The following SLC2A9 variants were observed in gnomAD, a reference collection of about 807,000 sequenced individuals.
SLC2A9 encodes solute carrier family 2 member 9.
SLC2A9 carries 39 observed loss-of-function variants against 50.6 expected under a neutral mutation model. The observed-to-expected ratio is 0.77, with a 90% confidence interval of 0.60 to 1.01. SLC2A9 has a LOEUF of 1.01. Among genes scored for constraint, SLC2A9 ranks in the 50% least tolerant of loss-of-function variants. The probability of loss-of-function intolerance (pLI) is 0.00; values close to 1 mark genes in which losing one functional copy is unlikely to be tolerated. For synonymous variants in SLC2A9, 324 were observed against 276.9 expected (o/e 1.17, Z -1.69); for missense variants, 686 against 677.6 (o/e 1.01, Z -0.14).
At chr4:10,033,609 C>A (rs984613272) in intron 1 of SLC2A9, among the ~76,000 whole-genome samples, 2 of 152,202 alleles carry the variant, frequency 1.3e-5, no homozygotes, top group Admixed American at 1.3e-4. Context: ...GTGGCTGAAG[C>A]CTTGGTCCAT....
chr4:9,859,259 G>A (rs1023550181), intron 10 of SLC2A9, among the ~76,000 whole-genome samples: 3 of 146,758 alleles, frequency 2.0e-5, no homozygotes, highest in African/African-American at 7.7e-5. Context: ...CCTATTATAG[G>A]TGGGATTTGA....
chr4:9,968,605 T>C (rs1753415485), intron 5 of SLC2A9, among the ~76,000 whole-genome samples: 1 of 152,230 alleles, frequency 6.6e-6, no homozygotes, highest in African/African-American at 2.4e-5. Flanking sequence ...AAGAGCCATA[T>C]ATCCCCCTGC....
At chr4:9,961,372 T>C (rs1202161204) in intron 5 of SLC2A9, among the ~76,000 whole-genome samples, 1 of 152,048 alleles carries the variant, frequency 6.6e-6, no homozygotes, top group African/African-American at 2.4e-5. Flanking sequence ...TATAGACCAA[T>C]GAACAGAATA....
chr4:9,983,528 G>A (rs555735814), intron 4 of SLC2A9, among the ~76,000 whole-genome samples: 8 of 152,232 alleles, frequency 5.3e-5, no homozygotes, highest in Non-Finnish European at 8.8e-5. Context: ...CTGACAGCCC[G>A]TGAGACCAGG....
chr4:10,026,281 T>C (rs932923522), upstream of SLC2A9, among the ~76,000 whole-genome samples: 4 of 152,206 alleles, frequency 2.6e-5, no homozygotes, highest in African/African-American at 4.8e-5. Context: ...TCAATTTATC[T>C]CTCTGTGTTG....
intron 10 of SLC2A9, among the ~76,000 whole-genome samples, chr4:9,852,374 TCCCGAGTAG>T (rs1213129926): frequency 6.6e-6 from 1 of 151,456 alleles, no homozygotes; most frequent in Admixed American, 6.6e-5. Context: ...TGCCTCAGCC[TCCCGAGTAG>T]CTGGGACTAC....
chr4:9,886,522 CCCACCTTG>C (rs1215802280), intron 10 of SLC2A9, among the ~76,000 whole-genome samples: 1 of 151,750 alleles, frequency 6.6e-6, no homozygotes, highest in Non-Finnish European at 1.5e-5. Context: ...CATTCCATGG[CCCACCTTG>C]CCACCTTGCC....
chr4:9,942,012 C>A lies in SLC2A9; in HGVS notation c.715G>T (p.Val239Leu). The part of the protein sequence containing the change: ...STWPYLFGVI[V>L]VPAVVQLLSL... ...AGCAGCTGGACAACGGCAGGGACCACAATCACTCCAAACAGGTATGGCCAG... is the reference window on the plus strand; with the variant it reads ...AGCAGCTGGACAACGGCAGGGACCAAAATCACTCCAAACAGGTATGGCCAG... Residue 239 changes from valine (V) to leucine (L), a missense_variant, in exon 6 of 12, where the codon GTG (valine) becomes TTG (leucine). Transcript: ENST00000264784. 6.2e-7 allele frequency: 1 copy of A among 1,614,186 alleles called. No individual in the cohort carries two copies. The highest frequency in any genetic ancestry group is 1.7e-5 in the Admixed American group (1 of 60,028).
chr4:9,985,277 G>T (rs565247623), intron 4 of SLC2A9, among the ~76,000 whole-genome samples: 1 of 152,204 alleles, frequency 6.6e-6, no homozygotes, highest in South Asian at 2.1e-4. Flanking sequence ...CAAATGCCTG[G>T]CGAGTAAATG....
intron 5 of SLC2A9, among the ~76,000 whole-genome samples, chr4:9,943,271 G>A (rs558655181): frequency 4.7e-4 from 72 of 152,174 alleles, no homozygotes; most frequent in Admixed American, 8.5e-4. Flanking sequence ...CCAGCAGCTG[G>A]TCCAATCATC....
intron 3 of SLC2A9, among the ~76,000 whole-genome samples, chr4:9,991,920 G>A (rs541827471): frequency 6.6e-6 from 1 of 152,354 alleles, no homozygotes; most frequent in African/African-American, 2.4e-5. Context: ...GGCAGCCTGG[G>A]CTAACCAATG....
At chr4:10,003,522 G>T (rs1470732351) in intron 2 of SLC2A9, among the ~76,000 whole-genome samples, 1 of 152,148 alleles carries the variant, frequency 6.6e-6, no homozygotes, top group Non-Finnish European at 1.5e-5. Context: ...CATAGCCTAG[G>T]CCCCCTGCAG....
intron 11 of SLC2A9, among the ~76,000 whole-genome samples, chr4:9,830,769 G>T (rs1214385081): frequency 1.3e-5 from 2 of 152,160 alleles, no homozygotes; most frequent in Admixed American, 1.3e-4. Flanking sequence ...TTTTTCGCAG[G>T]CTTTATAACA....
At chr4:9,794,912 T>C (rs1160968241), downstream of SLC2A9, among the ~76,000 whole-genome samples, 1 of 151,708 alleles carries the variant, frequency 6.6e-6, no homozygotes, top group East Asian at 1.9e-4. Flanking sequence ...GGTCTGGGTT[T>C]GGGACCAACA....
chr4:9,897,763 G>A (rs1031380752), intron 8 of SLC2A9, among the ~76,000 whole-genome samples: 4 of 152,154 alleles, frequency 2.6e-5, no homozygotes, highest in Admixed American at 2.0e-4. Context: ...GGTGGTGCAT[G>A]CCTGTAATCG....
intron 6 of SLC2A9, among the ~76,000 whole-genome samples, chr4:9,933,420 C>T (rs1357354529): frequency 6.6e-6 from 1 of 152,126 alleles, no homozygotes; most frequent in Non-Finnish European, 1.5e-5. Context: ...TGCCCAACTC[C>T]TTTTGCTCTC....
At chr4:9,834,766 T>G in intron 11 of SLC2A9, 115 bp downstream of exon 11, 1 of 1,504,928 alleles carries the variant, frequency 6.6e-7, no homozygotes, top group Non-Finnish European at 9.1e-7. Flanking sequence ...CTTAGGAAAA[T>G]AGCATGAGTT....
intron 10 of SLC2A9, among the ~76,000 whole-genome samples, chr4:9,885,835 C>T (rs1736102922): frequency 6.6e-6 from 1 of 152,208 alleles, no homozygotes; most frequent in African/African-American, 2.4e-5. Flanking sequence ...TTCATTTACT[C>T]GTTATCTATG....
chr4:9,913,326 T>TGAGAGA (rs1306092514), intron 7 of SLC2A9, among the ~76,000 whole-genome samples: 1 of 129,772 alleles, frequency 7.7e-6, no homozygotes, highest in East Asian at 2.3e-4. Flanking sequence ...TGTGTGTGTG[T>TGAGAGA]GTGTGAGAGA....
Sources: gnomAD v4.1 joint callset for allele counts (sites outside exome capture counted in the v4.1 genomes callset) on GRCh38, gnomAD v4.1.1 for gene constraint, MANE v1.5 for transcripts, NCBI Gene and HGNC (gene_info 2026-07-23, HGNC 2026-07-21) for gene names.